SIAH2: variants seen among roughly 807,000 people sequenced by gnomAD.
SIAH2 encodes the protein E3 ubiquitin-protein ligase SIAH2.
Under a neutral mutation model 20.4 loss-of-function variants are expected in SIAH2, and 4 were observed. The ratio of observed to expected loss-of-function variants is 0.20; its 90% CI spans 0.10 to 0.45. SIAH2 has a LOEUF of 0.45. Among genes scored for constraint, SIAH2 ranks in the 20% least tolerant of loss-of-function variants. The pLI, the probability that SIAH2 is intolerant of heterozygous loss-of-function variation, is 0.99. For missense variants in SIAH2, 259 were observed against 440.3 expected, an observed-to-expected ratio of 0.59 and a Z score of 3.69; for synonymous variants, 171 against 192.5, an observed-to-expected ratio of 0.89 and a Z score of 0.93.
intron 1 of SIAH2, among the ~76,000 whole-genome samples, chr3:150,759,232 C>T (rs920287263): frequency 6.6e-6 from 1 of 152,178 alleles, no homozygotes; most frequent in Non-Finnish European, 1.5e-5. Context: ...GCTGGCAACA[C>T]TCTAGCCTTT....
intron 1 of SIAH2, among the ~76,000 whole-genome samples, chr3:150,760,042 G>A (rs1714570379): frequency 6.6e-6 from 1 of 152,208 alleles, no homozygotes; most frequent in African/African-American, 2.4e-5. Flanking sequence ...TAGGCCAAAG[G>A]GCTAGGTAAA....
At chr3:150,746,215 G>A (rs1714208780) in intron 1 of SIAH2, among the ~76,000 whole-genome samples, 1 of 152,088 alleles carries the variant, frequency 6.6e-6, no homozygotes, top group Non-Finnish European at 1.5e-5. Flanking sequence ...CCAATATGGT[G>A]AAACCCTGTC....
rs780560539 is a variant in SIAH2 at position 150,762,626 on chromosome 3, G to A, written c.224C>T (p.Thr75Ile). The change falls in exon 1 of 2, where the codon ACC (threonine) becomes ATC (isoleucine). Residue 75 changes from threonine (T) to isoleucine (I), a missense_variant. Physicochemically the swap from Thr to Ile is moderately conservative, Grantham distance 89. Around this residue, in one of 2 missense-constraint regions of SIAH2, gnomAD observed 99 missense variants for 112.7 expected, o/e 0.88. Coordinates refer to ENST00000312960, the MANE Select transcript of SIAH2 (RefSeq NM_005067.7). The surrounding 1 kb of genome is among the most constrained non-coding windows in gnomAD (Gnocchi z 6.6). ...GPVSPQHHEL[T>I]SLFECPVCFD... ...GCAGACCGGACACTCGAAGAGCGAG[G>A]TCAGCTCGTGGTGCTGCGGGGACAC... is the stretch of plus-strand genomic sequence containing the variant. The A allele has an allele frequency of 8.7e-6, 14 of 1,609,186 alleles. No individual in the cohort carries two copies. Among genetic ancestry groups the A allele is most frequent in the Admixed American group, 5.0e-5 (3 of 59,648 alleles).
At chr3:150,752,360 G>C (rs1351561176) in intron 1 of SIAH2, among the ~76,000 whole-genome samples, 1 of 152,248 alleles carries the variant, frequency 6.6e-6, no homozygotes. Context: ...TGTAATCCCA[G>C]CATTTTGGGA....
At chr3:150,749,474 A>G (rs893369260) in intron 1 of SIAH2, among the ~76,000 whole-genome samples, 6 of 152,214 alleles carry the variant, frequency 3.9e-5, no homozygotes, top group African/African-American at 1.4e-4. Flanking sequence ...ACCGCCCTCC[A>G]GCCTGGGCAA....
Position 150,742,534 on chromosome 3 carries a change from G to A in SIAH2, c.582C>T (p.Ser194=), listed in dbSNP as rs774856579. 1.2e-6 allele frequency: 2 copies of A among 1,613,932 alleles called. No individual in the cohort carries two copies. The highest frequency in any genetic ancestry group is 2.7e-5 in the African/African-American group (2 of 74,916). The part of the protein sequence containing the change: ...VMSHLMHAHK[S]ITTLQGEDIV... ...TGTCTTCTCCCTGAAGGGTGGTAAT[G>A]CTCTTGTGGGCGTGCATGAGATGGG... Residue 194 remains serine, a synonymous_variant, in exon 2 of 2, where the codon AGC becomes AGT. Transcript: ENST00000312960. This position sits in a 1 kb window ranked among gnomAD's most constrained non-coding sequence, Gnocchi z 4.8.
Position 150,763,065 on chromosome 3 carries a change from C to T in SIAH2, c.-216G>A. On this transcript the variant is annotated 5_prime_UTR_variant, in exon 1 of 2. Coordinates refer to ENST00000312960, the MANE Select transcript of SIAH2 (RefSeq NM_005067.7). The surrounding 1 kb of genome is among the most constrained non-coding windows in gnomAD (Gnocchi z 4.1). The stretch of plus-strand genomic sequence containing the variant: ...CGGCGTTCCGAGCACGCCTCCGCGT[C>T]GGACCCCGCGCGGTGCCCTCCTCCC... 3.1e-6 allele frequency: 1 copy of T among 319,342 alleles called. No individual in the cohort carries two copies. The highest frequency in any genetic ancestry group is 4.7e-6 in the Non-Finnish European group (1 of 212,912). 19.8% of individuals were successfully genotyped at this position (319,342 alleles called of 1,614,324 possible). A position where few individuals can be genotyped will look rare whatever the true frequency, so the allele number is the denominator to read the frequency against.
In SIAH2 at chr3:150,762,412, G is replaced by A. The variant is rs969520657; in HGVS notation, c.417+21C>T. 2.5e-6 allele frequency: 4 copies of A among 1,595,874 alleles called. No homozygotes were observed. Among genetic ancestry groups the A allele is most frequent in the Middle Eastern group, 3.3e-4 (2 of 6,024 alleles). On this transcript the variant is annotated intron_variant, in intron 1 of 1. Coordinates refer to ENST00000312960, the MANE Select transcript of SIAH2 (RefSeq NM_005067.7). The surrounding 1 kb of genome is among the most constrained non-coding windows in gnomAD (Gnocchi z 6.6). ...TCCCTGAGGTCACCGGCGGAGGTAC[G>A]TGGGCTGTCCCTGGGCTTACCTTAC...
chr3:150,747,391 G>A (rs1476461690), intron 1 of SIAH2, among the ~76,000 whole-genome samples: 2 of 152,216 alleles, frequency 1.3e-5, no homozygotes, highest in Admixed American at 6.5e-5. Flanking sequence ...ATGTGAAAAG[G>A]TCAAGGACTT....
At chr3:150,754,773 T>C (rs1714447578) in intron 1 of SIAH2, among the ~76,000 whole-genome samples, 3 of 152,078 alleles carry the variant, frequency 2.0e-5, no homozygotes, top group African/African-American at 7.2e-5. Context: ...ATATAATACA[T>C]ATAATTTAAA....
rs766574723 is a variant in SIAH2 at position 150,762,876 on chromosome 3, C to A, written c.-27G>T. On this transcript the variant is annotated 5_prime_UTR_variant, in exon 1 of 2. Coordinates refer to ENST00000312960, the MANE Select transcript of SIAH2 (RefSeq NM_005067.7). This position sits in a 1 kb window ranked among gnomAD's most constrained non-coding sequence, Gnocchi z 6.6. ...GCGCTCCGAACCAACCATGGAACTG[C>A]GGGCGCCTGCCTGCCGCGGGGCCGC... The A allele has an allele frequency of 8.5e-7, 1 of 1,176,966 alleles. No homozygotes were observed. Among genetic ancestry groups the A allele is most frequent in the African/African-American group, 1.6e-5 (1 of 61,626 alleles). The allele number at this position is 1,176,966 out of a possible 1,614,324, so 72.9% of individuals were successfully genotyped here. A position where few individuals can be genotyped will look rare whatever the true frequency, so the allele number is the denominator to read the frequency against.
At chr3:150,745,598 C>T (rs1238376179) in intron 1 of SIAH2, among the ~76,000 whole-genome samples, 3 of 152,062 alleles carry the variant, frequency 2.0e-5, no homozygotes, top group Non-Finnish European at 4.4e-5. Flanking sequence ...CGGGTTCATG[C>T]CATTCTCCTG....
At position 150,742,862 on chromosome 3, in the gene SIAH2, T is replaced by C. The variant is rs1213124148; in HGVS notation, c.418-164A>G. Among the ~76,000 whole-genome samples, 3 of 152,234 alleles carry C rather than the reference T, an allele frequency of 2.0e-5. No homozygotes were observed. The highest frequency in any genetic ancestry group is 4.4e-5 in the Non-Finnish European group (3 of 68,050). ...ATTCAAGACTAAAAGTCTCCGTCTC[T>C]ATTCATCATCAATGCTGTCATGCAT... On this transcript the variant is annotated intron_variant, in intron 1 of 1. Coordinates refer to ENST00000312960, the MANE Select transcript of SIAH2 (RefSeq NM_005067.7). The surrounding 1 kb of genome is among the most constrained non-coding windows in gnomAD (Gnocchi z 4.8).
rs1714627734 is a variant in SIAH2 at position 150,762,095 on chromosome 3, G to C, written c.417+338C>G. The C allele has an allele frequency of 2.7e-5, 8 of 293,308 alleles. 1 individual carries two copies. The highest frequency in any genetic ancestry group is 2.3e-4 in the South Asian group (7 of 30,460). The allele number at this position is 293,308 out of a possible 1,614,324, so 18.2% of individuals were successfully genotyped here. A position where few individuals can be genotyped will look rare whatever the true frequency, so the allele number is the denominator to read the frequency against. On this transcript the variant is annotated intron_variant, in intron 1 of 1. Transcript: ENST00000312960. This position sits in a 1 kb window ranked among gnomAD's most constrained non-coding sequence, Gnocchi z 6.6. ...TCAATCCCCACACAGTCAGTTTCTC[G>C]GTCCAAGTTTTACTGGTGCGGCCCA...
At chr3:150,744,739 G>A (rs1232439798) in intron 1 of SIAH2, among the ~76,000 whole-genome samples, 1 of 152,146 alleles carries the variant, frequency 6.6e-6, no homozygotes, top group Non-Finnish European at 1.5e-5. Context: ...TAGCTGCCCA[G>A]GAATGAGATG....
At chr3:150,744,213 G>A (rs565006968) in intron 1 of SIAH2, among the ~76,000 whole-genome samples, 1 of 152,262 alleles carries the variant, frequency 6.6e-6, no homozygotes, top group African/African-American at 2.4e-5. Flanking sequence ...TCCGAAGCAA[G>A]GATGACAGCC....
chr3:150,745,363 G>C (rs1714188233), intron 1 of SIAH2, among the ~76,000 whole-genome samples: 1 of 151,966 alleles, frequency 6.6e-6, no homozygotes, highest in Non-Finnish European at 1.5e-5. Context: ...CTTTCATCAG[G>C]GGCTCTCATC....
chr3:150,761,436 T>G (rs1714607221), intron 1 of SIAH2, among the ~76,000 whole-genome samples: 1 of 152,194 alleles, frequency 6.6e-6, no homozygotes, highest in African/African-American at 2.4e-5. Context: ...GTTTCAGGCA[T>G]AGAGAAATAT....
intron 1 of SIAH2, among the ~76,000 whole-genome samples, chr3:150,753,624 T>A (rs1425335480): frequency 6.6e-6 from 1 of 152,092 alleles, no homozygotes; most frequent in Non-Finnish European, 1.5e-5. Context: ...TGAAACCCTG[T>A]TCCTACAAAA....
Sources: allele counts gnomAD v4.1 joint callset (sites outside exome capture counted in the v4.1 genomes callset), GRCh38; gene constraint gnomAD v4.1.1; regional missense constraint gnomAD v4.1.1; non-coding constraint Gnocchi (gnomAD v3.1); transcripts MANE v1.5; gene names NCBI Gene and HGNC (gene_info 2026-07-23, HGNC 2026-07-21).